The following WNK2 variants were observed in gnomAD, a reference collection of about 807,000 sequenced individuals.
WNK2 encodes the protein WNK lysine deficient protein kinase 2, also known as serine/threonine-protein kinase WNK2.
A neutral mutation model predicts 192.1 loss-of-function variants in WNK2; 67 were observed. The observed-to-expected ratio is 0.35, with a 90% CI of 0.29 to 0.43. The LOEUF (loss-of-function observed/expected upper bound fraction) is 0.43, where lower values mean the gene tolerates loss of function less well. Among genes scored for constraint, WNK2 ranks in the 20% least tolerant of loss-of-function variants. WNK2 has a pLI of 1.00. For synonymous variants in WNK2, 1,439 were observed against 1,393.9 expected, an observed-to-expected ratio of 1.03 and a Z score of -0.72; for missense variants, 2,698 against 3,089.7, an observed-to-expected ratio of 0.87 and a Z score of 3.01.
Position 93,263,574 on chromosome 9 carries a change from G to T in WNK2, c.3419G>T (p.Gly1140Val), listed in dbSNP as rs1370155542. The T allele has an allele frequency of 6.2e-7, 1 of 1,611,740 alleles. No individual in the cohort carries two copies. ...GLPQSCESYG[G>V]SDVTSGKELS... ...TCTTGGGTTTTGCTCAGCTATGGAG[G>T]TTCTGATGTCACTTCTGGAAAAGAG... The change falls in exon 15 of 30, where the codon GGT becomes GTT. Residue 1140 changes from glycine to valine, a missense_variant. By Grantham distance (109) the Gly-to-Val change is moderately radical. Transcript: ENST00000427277.
chr9:93,289,892 T>G, intron 20 of WNK2, 86 bp from the exon 21 acceptor site: 2 of 1,340,352 alleles, frequency 1.5e-6, no homozygotes, highest in Non-Finnish European at 2.1e-6. Flanking sequence ...CAGCTTGAGA[T>G]GAGGGGAGTG....
In WNK2 at chr9:93,259,494, G is replaced by C; in HGVS notation, c.2946G>C (p.Pro982=). ...GGCCCCCTCAACCTGTGCTGCCCCC[G>C]CAACCCATGCTGCCCCCACAACCTG... ...PTRPPQPVLP[P]QPMLPPQPVL... is the part of the protein sequence containing the mutation. Residue 982 remains proline (P), a synonymous_variant, in exon 12 of 30, where the codon CCG becomes CCC. Coordinates refer to ENST00000427277, the MANE Select transcript of WNK2 (RefSeq NM_006648.4). This position sits in a 1 kb window ranked among gnomAD's most constrained non-coding sequence, Gnocchi z 4.8. The C allele has an allele frequency of 2.3e-6, 3 of 1,317,776 alleles. No homozygotes were observed. Among genetic ancestry groups the C allele is most frequent in the Non-Finnish European group, 3.1e-6 (3 of 982,644 alleles). The allele number at this position is 1,317,776 out of a possible 1,614,324, so 81.6% of individuals were successfully genotyped here.
chr9:93,193,757 C>T (rs1830750318), intron 2 of WNK2, among the ~76,000 whole-genome samples: 1 of 152,236 alleles, frequency 6.6e-6, no homozygotes, highest in South Asian at 2.1e-4. Flanking sequence ...ACATCCAATT[C>T]TCTTCCCTGG....
chr9:93,279,467 A>C (rs1173789617), intron 19 of WNK2, among the ~76,000 whole-genome samples: 2 of 152,256 alleles, frequency 1.3e-5, no homozygotes, highest in Non-Finnish European at 2.9e-5. Context: ...TTCATGGGTC[A>C]GAAGACACAG....
chr9:93,293,857 T>C (rs1208756369), intron 23 of WNK2, among the ~76,000 whole-genome samples: 1 of 152,028 alleles, frequency 6.6e-6, no homozygotes, highest in Non-Finnish European at 1.5e-5. Context: ...CTTTCATTCC[T>C]TCTCTCCCTG....
chr9:93,201,505 C>T (rs1384449822), intron 2 of WNK2, among the ~76,000 whole-genome samples: 1 of 152,238 alleles, frequency 6.6e-6, no homozygotes, highest in African/African-American at 2.4e-5. Context: ...CTTGTGGGAG[C>T]AGGGCTGGGG....
chr9:93,185,794 C>T (rs1829199586), intron 2 of WNK2, among the ~76,000 whole-genome samples, 184 bp downstream of exon 2: 1 of 152,238 alleles, frequency 6.6e-6, no homozygotes, highest in South Asian at 2.1e-4. Context: ...CATGTGGGGC[C>T]TGGCTGTGTC....
At chr9:93,227,782 G>A (rs1026200412) in intron 2 of WNK2, among the ~76,000 whole-genome samples, 1 of 152,160 alleles carries the variant, frequency 6.6e-6, no homozygotes, top group African/African-American at 2.4e-5. Context: ...CTACAGGTGT[G>A]AGCCACCGCA....
rs1049985468 is a variant in WNK2, at chr9:93,239,207, C to T, written c.1323-550C>T. ...CCTTCGAGGCTGGGTCTGGCTGGGG[C>T]CCCCCCAGTTCTGCAGGTCCTCACT... On this transcript the variant is annotated intron_variant, in intron 6 of 29. Coordinates refer to ENST00000427277, the MANE Select transcript of WNK2 (RefSeq NM_006648.4). The surrounding 1 kb of genome is among the most constrained non-coding windows in gnomAD (Gnocchi z 4.2). Among the ~76,000 whole-genome samples the T allele has an allele frequency of 1.3e-5, 2 of 152,072 alleles. No homozygotes were observed. Among genetic ancestry groups the T allele is most frequent in the Admixed American group, 6.5e-5 (1 of 15,274 alleles).
intron 26 of WNK2, among the ~76,000 whole-genome samples, chr9:93,305,999 C>T (rs975718703): frequency 4.0e-5 from 6 of 151,010 alleles, no homozygotes; most frequent in Non-Finnish European, 7.4e-5. Flanking sequence ...ACCTTGTCCC[C>T]ACCAGGCTGG....
Position 93,263,689 on chromosome 9 carries a change from C to T in WNK2, c.3534C>T (p.Arg1178=). 6.4e-7 allele frequency: 1 copy of T among 1,562,328 alleles called. No homozygotes were observed. The highest frequency in any genetic ancestry group is 8.6e-7 in the Non-Finnish European group (1 of 1,160,282). The part of the protein sequence containing the change: ...RKHHRRSTRA[R]SRQERASRPR... The stretch of plus-strand genomic sequence containing the variant: ...ACCACCGCAGGTCCACGCGTGCGCG[C>T]TCCCGGCAGGAGAGGGCCAGCCGGC... The change falls in exon 15 of 30, where the codon CGC becomes CGT. Residue 1178 remains arginine (R), a synonymous_variant. Coordinates refer to ENST00000427277, the MANE Select transcript of WNK2 (RefSeq NM_006648.4).
intron 2 of WNK2, among the ~76,000 whole-genome samples, chr9:93,199,686 C>T (rs1370689648): frequency 6.6e-6 from 1 of 152,022 alleles, no homozygotes; most frequent in Non-Finnish European, 1.5e-5. Flanking sequence ...ATCACGAGGT[C>T]AGGAGATCGA....
intron 2 of WNK2, among the ~76,000 whole-genome samples, chr9:93,197,223 C>T (rs996841395): frequency 7.9e-5 from 12 of 152,208 alleles, no homozygotes; most frequent in African/African-American, 2.9e-4. Context: ...CCCCTGAGTA[C>T]TTCAGCCTGT....
At chr9:93,307,171 C>G in intron 27 of WNK2, 1 of 350,494 alleles carries the variant, frequency 2.9e-6, no homozygotes, top group Non-Finnish European at 5.3e-6. Context: ...GAGTGCCTCC[C>G]CACGAGGAGA....
At chr9:93,258,359 C>T (rs1843652854) in intron 11 of WNK2, among the ~76,000 whole-genome samples, 1 of 152,198 alleles carries the variant, frequency 6.6e-6, no homozygotes, top group Admixed American at 6.5e-5. Context: ...GTCCCCTGAG[C>T]CAGCCAAGGT....
At chr9:93,318,551 T>C in intron 29 of WNK2, 1 of 1,613,996 alleles carries the variant, frequency 6.2e-7, no homozygotes, top group Non-Finnish European at 8.5e-7. Context: ...AGTGGGCTGC[T>C]GTGAGTGAGG....
intron 2 of WNK2, among the ~76,000 whole-genome samples, chr9:93,195,431 G>A (rs1831061975): frequency 6.6e-6 from 1 of 152,134 alleles, no homozygotes; most frequent in South Asian, 2.1e-4. Context: ...AGGCGCGGTG[G>A]CTCACACCTA....
rs570396564 is a variant in WNK2, at chr9:93,260,185, C to T, written c.3066+571C>T. Among the ~76,000 whole-genome samples the T allele has an allele frequency of 1.2e-4, 18 of 152,260 alleles. No homozygotes were observed. The East Asian group carries it at 2.3e-3, about 20-fold the overall frequency. ...AGCATGCTGGCTGGCTGTGAAGGGG[C>T]GCTCTGGAACACATGATATGTGCCC... On this transcript the variant is annotated intron_variant, in intron 12 of 29. Coordinates refer to ENST00000427277, the MANE Select transcript of WNK2 (RefSeq NM_006648.4).
At position 93,308,596 on chromosome 9, in the gene WNK2, G is replaced by A; in HGVS notation, c.6516+12G>A. 1 of 1,533,976 alleles carries A rather than the reference G, an allele frequency of 6.5e-7. No individual in the cohort carries two copies. Among genetic ancestry groups the A allele is most frequent in the Non-Finnish European group, 8.8e-7 (1 of 1,135,308 alleles). On this transcript the variant is annotated intron_variant, in intron 28 of 29. Transcript: ENST00000427277. ...GCGAGGCGCGGGCTGTGAGTGCGGG[G>A]CGGGTGGGGCGGGTGCTCCTGGGGT...
Sources: allele counts gnomAD v4.1 joint callset (sites outside exome capture counted in the v4.1 genomes callset), GRCh38; gene constraint gnomAD v4.1.1; non-coding constraint Gnocchi (gnomAD v3.1); transcripts MANE v1.5; gene names NCBI Gene and HGNC (gene_info 2026-07-23, HGNC 2026-07-21).